Variants in NKAIN3 observed in about 807,000 individuals in gnomAD.
The protein encoded by NKAIN3 is sodium/potassium-transporting ATPase subunit beta-1-interacting protein 3.
Under a neutral mutation model 30.2 loss-of-function variants are expected in NKAIN3, and 25 were observed. That is an observed-to-expected ratio of 0.83 (90% CI 0.60 to 1.16). The LOEUF (loss-of-function observed/expected upper bound fraction) is 1.16, where lower values mean the gene tolerates loss of function less well. NKAIN3 is among the 50% of genes most tolerant of loss of function. The probability of loss-of-function intolerance (pLI) is 0.00; values close to 1 mark genes in which losing one functional copy is unlikely to be tolerated. For synonymous variants in NKAIN3, 91 were observed against 89.6 expected, an observed-to-expected ratio of 1.02 and a Z score of -0.09; for missense variants, 225 against 254.1, an observed-to-expected ratio of 0.89 and a Z score of 0.78.
chr8:62,870,981 C>G (rs2130801935), intron 4 of NKAIN3, among the ~76,000 whole-genome samples: 1 of 152,098 alleles, frequency 6.6e-6, no homozygotes, highest in Admixed American at 6.5e-5. Context: ...GAAAACCAGA[C>G]TCAAAGACTG....
At chr8:62,949,662 A>G (rs775444154) in intron 5 of NKAIN3, among the ~76,000 whole-genome samples, 8 of 152,104 alleles carry the variant, frequency 5.3e-5, no homozygotes, top group African/African-American at 1.9e-4. Context: ...ATGGGTGTAG[A>G]GAGCAGCCCA....
At chr8:62,619,821 G>C (rs927289792) in intron 3 of NKAIN3, among the ~76,000 whole-genome samples, 6 of 151,914 alleles carry the variant, frequency 3.9e-5, no homozygotes, top group Non-Finnish European at 8.8e-5. Context: ...TCATTGAATT[G>C]CTAGTTAAGA....
intron 4 of NKAIN3, among the ~76,000 whole-genome samples, chr8:62,802,646 G>C (rs893334693): frequency 4.6e-5 from 7 of 152,196 alleles, no homozygotes; most frequent in African/African-American, 1.7e-4. Context: ...ACCGGTACCA[G>C]CCACTGCAAA....
chr8:62,678,313 C>A (rs937849676), intron 3 of NKAIN3, among the ~76,000 whole-genome samples: 1 of 152,180 alleles, frequency 6.6e-6, no homozygotes. Context: ...AAGGAAGAAT[C>A]TACTTCTGCC....
intron 3 of NKAIN3, among the ~76,000 whole-genome samples, chr8:62,640,853 G>C (rs1024398171): frequency 1.3e-5 from 2 of 152,034 alleles, no homozygotes; most frequent in Non-Finnish European, 2.9e-5. Flanking sequence ...TGAGGTGGCT[G>C]TTTCTAGTTT....
At chr8:62,813,837 G>C (rs1586227349) in intron 4 of NKAIN3, among the ~76,000 whole-genome samples, 1 of 152,088 alleles carries the variant, frequency 6.6e-6, no homozygotes, top group African/African-American at 2.4e-5. Flanking sequence ...TGCAGGGCCA[G>C]TCTAGTGGTG....
intron 1 of NKAIN3, among the ~76,000 whole-genome samples, chr8:62,558,205 G>A (rs761603693): frequency 6.6e-6 from 1 of 151,840 alleles, no homozygotes; most frequent in Non-Finnish European, 1.5e-5. Flanking sequence ...TTTGTCAAAG[G>A]TCATTTGGCT....
At chr8:62,606,494 C>T (rs957571363) in intron 3 of NKAIN3, among the ~76,000 whole-genome samples, 2 of 152,126 alleles carry the variant, frequency 1.3e-5, no homozygotes, top group Admixed American at 1.3e-4. Flanking sequence ...CCTGCAAAAT[C>T]CCCTTAAGAA....
chr8:62,791,645 A>T lies in NKAIN3; in HGVS notation c.471+44516A>T, dbSNP rs866837197. On this transcript the variant is annotated intron_variant, in intron 4 of 6. Coordinates refer to ENST00000623646, the MANE Select transcript of NKAIN3 (RefSeq NM_001304533.3). ...ACATATATCCTGATTGATACCAGTT[A>T]TGTTGAAGTGTTTCTAACACTGTAA... Among the ~76,000 whole-genome samples, 4 of 152,222 alleles carry T rather than the reference A, an allele frequency of 2.6e-5. No homozygotes were observed. In the South Asian group the frequency reaches 6.2e-4, roughly 24 times the overall value.
intron 4 of NKAIN3, among the ~76,000 whole-genome samples, chr8:62,820,724 T>C (rs1221075223): frequency 6.6e-6 from 1 of 152,106 alleles, no homozygotes; most frequent in Non-Finnish European, 1.5e-5. Flanking sequence ...TAAAATATTG[T>C]CTAGGGTAAT....
intron 1 of NKAIN3, among the ~76,000 whole-genome samples, chr8:62,574,468 GTTTAT>G (rs1394153662): frequency 6.6e-6 from 1 of 151,928 alleles, no homozygotes; most frequent in Non-Finnish European, 1.5e-5. Flanking sequence ...ATTTTATTTA[GTTTAT>G]TTTAACAAAA....
intron 3 of NKAIN3, among the ~76,000 whole-genome samples, chr8:62,647,313 A>G (rs1380997491): frequency 2.6e-5 from 4 of 152,192 alleles, no homozygotes; most frequent in Non-Finnish European, 5.9e-5. Context: ...TGCAGATGAA[A>G]AGCAAAGTGG....
intron 1 of NKAIN3, among the ~76,000 whole-genome samples, chr8:62,270,143 G>A (rs1358275810): frequency 4.6e-5 from 7 of 152,074 alleles, no homozygotes; most frequent in Admixed American, 4.6e-4. Context: ...GCAGTGGTAT[G>A]ATCACAGCTC....
intron 3 of NKAIN3, among the ~76,000 whole-genome samples, chr8:62,694,991 TCTGCTTACAATTAG>T (rs1246868343): frequency 6.6e-6 from 1 of 152,196 alleles, no homozygotes; most frequent in Non-Finnish European, 1.5e-5. Flanking sequence ...TATTGTTCTT[TCTGCTTACAATTAG>T]CTTTTCTCTA....
intron 1 of NKAIN3, among the ~76,000 whole-genome samples, chr8:62,434,924 T>C (rs1283439272): frequency 6.6e-6 from 1 of 152,168 alleles, no homozygotes; most frequent in Non-Finnish European, 1.5e-5. Context: ...ACATCTATTA[T>C]GCTGAAAGAG....
At chr8:62,749,291 A>G (rs1330660754) in intron 4 of NKAIN3, among the ~76,000 whole-genome samples, 1 of 152,216 alleles carries the variant, frequency 6.6e-6, no homozygotes, top group Non-Finnish European at 1.5e-5. Flanking sequence ...AAGGAGCTGG[A>G]GTGTCACATA....
At chr8:62,503,196 G>A (rs964728325) in intron 1 of NKAIN3, among the ~76,000 whole-genome samples, 14 of 152,184 alleles carry the variant, frequency 9.2e-5, no homozygotes, top group Non-Finnish European at 1.9e-4. Flanking sequence ...ACCACAAAGA[G>A]AGGAATTTTA....
chr8:62,579,770 T>C (rs1179028676), intron 2 of NKAIN3, 94 bp downstream of exon 2: 1 of 642,972 alleles, frequency 1.6e-6, no homozygotes, highest in Non-Finnish European at 2.3e-6. Flanking sequence ...CCTTCTGATA[T>C]AATGTGGCAT....
chr8:62,799,652 C>G (rs544490213), intron 4 of NKAIN3, among the ~76,000 whole-genome samples: 3 of 152,160 alleles, frequency 2.0e-5, no homozygotes, highest in Non-Finnish European at 2.9e-5. Flanking sequence ...CCTTAAAGAA[C>G]TAAAAGTAAA....
Sources: allele counts gnomAD v4.1 joint callset (sites outside exome capture counted in the v4.1 genomes callset), GRCh38; gene constraint gnomAD v4.1.1; transcripts MANE v1.5; gene names NCBI Gene and HGNC (gene_info 2026-07-23, HGNC 2026-07-21).